Variants in MRPS31 observed in about 807,000 individuals in gnomAD.
The protein encoded by MRPS31 is mitochondrial ribosomal protein S31.
A neutral mutation model predicts 43.1 loss-of-function variants in MRPS31; 32 were observed. The ratio of observed to expected loss-of-function variants is 0.74; its 90% CI spans 0.56 to 1.00. The LOEUF (loss-of-function observed/expected upper bound fraction) is 1.00. MRPS31 is among the 50% of genes least tolerant of loss of function. The pLI is 0.00. For synonymous variants in MRPS31, 165 were observed against 161.6 expected, an observed-to-expected ratio of 1.02 and a Z score of -0.16; for missense variants, 437 against 466.7, an observed-to-expected ratio of 0.94 and a Z score of 0.59.
chr13:40,759,775 C>CAATATATATTGTAAGCAAATAT (rs1880640819), intron 2 of MRPS31, among the ~76,000 whole-genome samples: 1 of 151,992 alleles, frequency 6.6e-6, no homozygotes, highest in African/African-American at 2.4e-5. Context: ...ATTTCAGAAA[C>CAATATATATTGTAAGCAAATAT]AATATATATT....
rs190789123 is a variant in MRPS31, at chr13:40,758,961, G to T, written c.586C>A (p.Arg196=). 1.3e-6 allele frequency: 2 copies of T among 1,579,348 alleles called. No homozygotes were observed. The highest frequency in any genetic ancestry group is 1.7e-6 in the Non-Finnish European group (2 of 1,166,812). ...EESRAQRDAK[R]PKISFSNIIS... ...TGATTCACTCACCTAATTTTAGGTC[G>T]CTTTGCATCTCTCTGTGCCCTTGAC... The change falls in exon 3 of 7, where the codon CGA becomes AGA. Residue 196 remains arginine, a synonymous_variant. Transcript: ENST00000323563.
At chr13:40,732,296 T>C (rs1005368207) in intron 6 of MRPS31, among the ~76,000 whole-genome samples, 4 of 152,224 alleles carry the variant, frequency 2.6e-5, no homozygotes, top group African/African-American at 9.6e-5. Context: ...CAGCTTTTCA[T>C]GGCCTTCCTC....
chr13:40,729,533 T>C lies in MRPS31; in HGVS notation c.1027A>G (p.Lys343Glu), dbSNP rs866083905. 1.2e-6 allele frequency: 2 copies of C among 1,614,112 alleles called. No homozygotes were observed. Among genetic ancestry groups the C allele is most frequent in the Admixed American group, 1.7e-5 (1 of 60,008 alleles). Residue 343 changes from lysine to glutamate, a missense_variant, in exon 7 of 7, where the codon AAA (lysine) becomes GAA (glutamate). Coordinates refer to ENST00000323563, the MANE Select transcript of MRPS31 (RefSeq NM_005830.4). ...ATGAAGTGGCGAATTGGTCCTTGTTTTGGAAAGCTCTCCAGGTGTTTCTCC... is the reference window on the plus strand; with the variant it reads ...ATGAAGTGGCGAATTGGTCCTTGTTCTGGAAAGCTCTCCAGGTGTTTCTCC... The part of the protein sequence containing the change: ...FLEKHLESFP[K>E]QGPIRHFMEL...
At chr13:40,735,665 G>A (rs1879877413) in intron 6 of MRPS31, among the ~76,000 whole-genome samples, 1 of 152,012 alleles carries the variant, frequency 6.6e-6, no homozygotes, top group African/African-American at 2.4e-5. Context: ...CCACCAGCAG[G>A]GGCAGACTGA....
At chr13:40,744,178 G>C (rs1443040768) in intron 6 of MRPS31, among the ~76,000 whole-genome samples, 2 of 152,178 alleles carry the variant, frequency 1.3e-5, no homozygotes, top group African/African-American at 4.8e-5. Flanking sequence ...AGAAGGGAAT[G>C]ACAGACACTG....
chr13:40,741,241 T>C (rs118151910), intron 6 of MRPS31, among the ~76,000 whole-genome samples: 116 of 152,300 alleles, frequency 7.6e-4, no homozygotes, highest in Admixed American at 1.9e-3. Flanking sequence ...CTTTATATTA[T>C]TACCTTTTAT....
intron 6 of MRPS31, among the ~76,000 whole-genome samples, chr13:40,747,991 A>G (rs559741173): frequency 1.3e-5 from 2 of 152,344 alleles, no homozygotes; most frequent in Non-Finnish European, 2.9e-5. Flanking sequence ...TTAAGCTTCC[A>G]TTCCAACTAT....
rs910854264 is a variant in MRPS31 at position 40,736,562 on chromosome 13, A to G, written c.959-6961T>C. ...TAGGGTTACCCTCAAAGGGAAGCCC[A>G]TCAGACTAACAGCGGATCTCTCGGC... On this transcript the variant is annotated intron_variant, in intron 6 of 6. Transcript: ENST00000323563. 3.2e-3 allele frequency among the ~76,000 whole-genome samples: 485 copies of G among 151,234 alleles called. 2 individuals are homozygous for G. Among genetic ancestry groups the G allele is most frequent in the African/African-American group, 0.011 (449 of 40,948 alleles).
Position 40,766,873 on chromosome 13 carries a change from C to T in MRPS31, c.313G>A (p.Gly105Ser). The T allele has an allele frequency of 6.2e-7, 1 of 1,614,040 alleles. No individual in the cohort carries two copies. Among genetic ancestry groups the T allele is most frequent in the Admixed American group, 1.7e-5 (1 of 60,006 alleles). Residue 105 changes from glycine to serine, a missense_variant, in exon 2 of 7, where the codon GGC becomes AGC. Coordinates refer to ENST00000323563, the MANE Select transcript of MRPS31 (RefSeq NM_005830.4). ...TKKDLLGIIK[G>S]MKVELSTVNV... ...ACTGTGCTTAATTCAACTTTCATGC[C>T]CTTAATAATGCCTAACAAGTCTTTT...
At chr13:40,736,156 C>T (rs564189886) in intron 6 of MRPS31, among the ~76,000 whole-genome samples, 49 of 150,898 alleles carry the variant, frequency 3.2e-4, no homozygotes, top group African/African-American at 7.8e-4. Flanking sequence ...GGAGCCGATG[C>T]GATCAACTGG....
intron 6 of MRPS31, among the ~76,000 whole-genome samples, chr13:40,734,324 A>C (rs1879808531): frequency 6.6e-6 from 1 of 152,216 alleles, no homozygotes; most frequent in Non-Finnish European, 1.5e-5. Flanking sequence ...AAGGGACAGA[A>C]GTCCCAGGAG....
At chr13:40,768,490 G>A (rs1317534638) in intron 1 of MRPS31, among the ~76,000 whole-genome samples, 1 of 151,854 alleles carries the variant, frequency 6.6e-6, no homozygotes, top group Non-Finnish European at 1.5e-5. Flanking sequence ...CTGGAGTGCA[G>A]TGGTGTGATC....
At position 40,749,166 on chromosome 13, in the gene MRPS31, T is replaced by C. The variant is rs142931494; in HGVS notation, c.930A>G (p.Leu310=). 56 of 1,600,584 alleles carry C rather than the reference T, an allele frequency of 3.5e-5. No homozygotes were observed. In the African/African-American group the frequency reaches 5.7e-4, roughly 16 times the overall value. The change falls in exon 6 of 7, where the codon CTA becomes CTG. Residue 310 remains leucine, a synonymous_variant. Coordinates refer to ENST00000323563, the MANE Select transcript of MRPS31 (RefSeq NM_005830.4). ...ELIQWTKEGK[L]WEFPINNEAG... ...CTTCATTGTTAATTGGGAACTCCCA[T>C]AGTTTCCCCTCTTTTGTCCACTGGA...
rs181398168 is a variant in MRPS31, at chr13:40,766,091, C to T, written c.440+655G>A. Among the ~76,000 whole-genome samples the T allele has an allele frequency of 2.0e-4, 31 of 152,234 alleles. No individual in the cohort carries two copies. In the East Asian group the frequency reaches 4.6e-3, roughly 23 times the overall value. On this transcript the variant is annotated intron_variant, in intron 2 of 6. Transcript: ENST00000323563. ...CAAGTCCTTTACAGACATTAAGCTA[C>T]CTTCAAATCAAGATGTAAATGATAT...
intron 2 of MRPS31, 60 bp from the exon 3 acceptor site, chr13:40,759,166 G>A (rs1015074805): frequency 2.6e-5 from 35 of 1,347,406 alleles, no homozygotes; most frequent in Admixed American, 1.2e-4. Context: ...GGCCAGGTGC[G>A]GTGGCTCATG....
intron 1 of MRPS31, among the ~76,000 whole-genome samples, chr13:40,770,116 G>A (rs75715054): frequency 0.03 from 4,591 of 152,266 alleles, 176 homozygotes; most frequent in East Asian, 0.14. Flanking sequence ...AACGCAGCCA[G>A]TTGAAATTTT....
chr13:40,734,463 T>C (rs954468322), intron 6 of MRPS31, among the ~76,000 whole-genome samples: 2 of 152,008 alleles, frequency 1.3e-5, no homozygotes, highest in African/African-American at 4.8e-5. Flanking sequence ...TTTGTGCATG[T>C]GAATTTGAGA....
intron 2 of MRPS31, among the ~76,000 whole-genome samples, chr13:40,765,412 AT>A (rs1346808655): frequency 2.0e-5 from 3 of 152,224 alleles, no homozygotes; most frequent in African/African-American, 4.8e-5. Flanking sequence ...TCACTTTACC[AT>A]TTCTGTAATC....
At chr13:40,763,595 G>A (rs1880762410) in intron 2 of MRPS31, among the ~76,000 whole-genome samples, 1 of 152,104 alleles carries the variant, frequency 6.6e-6, no homozygotes, top group Non-Finnish European at 1.5e-5. Context: ...TCAGGTACCA[G>A]ATGTACCTGA....
Sources: gnomAD v4.1 joint callset for allele counts (sites outside exome capture counted in the v4.1 genomes callset) on GRCh38, gnomAD v4.1.1 for gene constraint, MANE v1.5 for transcripts, NCBI Gene and HGNC (gene_info 2026-07-23, HGNC 2026-07-21) for gene names.